The following GDNF variants were observed in gnomAD, a reference collection of about 807,000 sequenced individuals.
GDNF encodes glial cell derived neurotrophic factor.
Under a neutral mutation model 13.7 loss-of-function variants are expected in GDNF, and 5 were observed. The ratio of observed to expected loss-of-function variants is 0.36; its 90% CI spans 0.19 to 0.77. The LOEUF is 0.77. GDNF is among the 30% of genes least tolerant of loss of function. The pLI is 0.51. For missense variants in GDNF, 246 were observed against 274.3 expected (o/e 0.90, Z 0.73); for synonymous variants, 122 against 112.5 (o/e 1.08, Z -0.53).
intron 2 of GDNF, among the ~76,000 whole-genome samples, chr5:37,827,208 TAA>T (rs768949479): frequency 2.1e-5 from 3 of 142,248 alleles, no homozygotes; most frequent in Admixed American, 7.0e-5. Context: ...TCCTGGGTTT[TAA>T]AAAAAAAAAA....
At chr5:37,835,780 G>C (rs1581592930) in intron 1 of GDNF, 1 of 836,114 alleles carries the variant, frequency 1.2e-6, no homozygotes. Flanking sequence ...CTGGCTCCCC[G>C]CGCCCCCGTC....
At chr5:37,822,158 G>A (rs1750161312) in intron 2 of GDNF, among the ~76,000 whole-genome samples, 1 of 152,168 alleles carries the variant, frequency 6.6e-6, no homozygotes, top group Non-Finnish European at 1.5e-5. Flanking sequence ...AAGGTGGAAG[G>A]AAGGTCTTTG....
At chr5:37,828,097 A>C (rs1750391774) in intron 2 of GDNF, among the ~76,000 whole-genome samples, 1 of 151,986 alleles carries the variant, frequency 6.6e-6, no homozygotes, top group Admixed American at 6.6e-5. Context: ...GCTTACGCAT[A>C]CTCCTATTCC....
rs1195589493 is a variant in GDNF, at chr5:37,838,179, C to T, written c.-27+1328G>A. ...ATTTGGGACACTTCTCGCAGGCAAA[C>T]TGGGAAAGCGGTCTGTTTAAAGGGC... On this transcript the variant is annotated intron_variant, in intron 1 of 2. Coordinates refer to ENST00000326524, the MANE Select transcript of GDNF (RefSeq NM_000514.4). This position sits in a 1 kb window ranked among gnomAD's most constrained non-coding sequence, Gnocchi z 4.1. 1.3e-5 allele frequency among the ~76,000 whole-genome samples: 2 copies of T among 152,168 alleles called. No homozygotes were observed. Among genetic ancestry groups the T allele is most frequent in the Non-Finnish European group, 2.9e-5 (2 of 68,042 alleles).
chr5:37,835,606 T>C (rs780875359), intron 1 of GDNF: 140 of 1,538,414 alleles, frequency 9.1e-5, no homozygotes, highest in Non-Finnish European at 1.1e-4. Context: ...TAGCGGAACA[T>C]GTAGTAAGAG....
intron 2 of GDNF, among the ~76,000 whole-genome samples, chr5:37,820,287 T>C (rs1750087303): frequency 6.6e-6 from 1 of 152,254 alleles, no homozygotes; most frequent in Non-Finnish European, 1.5e-5. Context: ...GACTCATTAA[T>C]CTATATGATA....
At chr5:37,827,036 G>A (rs1198276284) in intron 2 of GDNF, among the ~76,000 whole-genome samples, 1 of 152,120 alleles carries the variant, frequency 6.6e-6, no homozygotes, top group Non-Finnish European at 1.5e-5. Context: ...TAATCATGTG[G>A]AAATAATCAG....
Position 37,815,517 on chromosome 5 carries a change from C to CTCCTCTTCT in GDNF, c.*125_*133dup. 1.3e-6 allele frequency: 1 copy of CTCCTCTTCT among 798,100 alleles called. No homozygotes were observed. Among genetic ancestry groups the CTCCTCTTCT allele is most frequent in the Non-Finnish European group, 2.1e-6 (1 of 468,768 alleles). 49.4% of individuals were successfully genotyped at this position (798,100 alleles called of 1,614,324 possible). ...CCTCCTCCTCCTCCTCCTCCTCCTC[C>CTCCTCTTCT]TCCTCTTCTTCTTCCTCCTCCTCCG... On this transcript the variant is annotated 3_prime_UTR_variant, in exon 3 of 3. Transcript: ENST00000326524. The surrounding 1 kb of genome is among the most constrained non-coding windows in gnomAD (Gnocchi z 5.0).
At chr5:37,835,573 A>G in intron 1 of GDNF, 2 of 1,488,676 alleles carry the variant, frequency 1.3e-6, no homozygotes, top group Non-Finnish European at 1.8e-6. Flanking sequence ...AGTTATGAAC[A>G]TTAAATCACG....
intron 2 of GDNF, among the ~76,000 whole-genome samples, chr5:37,817,303 A>G (rs1233629466): frequency 1.3e-5 from 2 of 152,242 alleles, no homozygotes; most frequent in East Asian, 1.9e-4. Context: ...AACGGGGGGA[A>G]AAACAATCCA....
intron 2 of GDNF, among the ~76,000 whole-genome samples, chr5:37,822,698 T>C (rs1362655347): frequency 6.6e-6 from 1 of 152,180 alleles, no homozygotes. Flanking sequence ...AGGCCAAGTA[T>C]CTGAAAAATA....
rs895436026 is a variant in GDNF, at chr5:37,837,496, G to A, written c.-27+2011C>T. 6.6e-6 allele frequency among the ~76,000 whole-genome samples: 1 copy of A among 152,188 alleles called. No individual in the cohort carries two copies. The highest frequency in any genetic ancestry group is 2.4e-5 in the African/African-American group (1 of 41,468). On this transcript the variant is annotated intron_variant, in intron 1 of 2. Coordinates refer to ENST00000326524, the MANE Select transcript of GDNF (RefSeq NM_000514.4). The surrounding 1 kb of genome is among the most constrained non-coding windows in gnomAD (Gnocchi z 6.5). Reference sequence around the variant, plus strand: ...AGGCCTGGGGAGGCAAGGACGCCCAGGAAAGCCACAGAAGTGCTCGCAGAA... The same window carrying A: ...AGGCCTGGGGAGGCAAGGACGCCCAAGAAAGCCACAGAAGTGCTCGCAGAA...
At chr5:37,834,520 C>T in intron 2 of GDNF, 126 bp downstream of exon 2, 2 of 889,434 alleles carry the variant, frequency 2.2e-6, no homozygotes, top group Non-Finnish European at 3.2e-6. Flanking sequence ...CACCCGCACC[C>T]CTTGCCCACG....
At chr5:37,832,516 T>C (rs941459278) in intron 2 of GDNF, among the ~76,000 whole-genome samples, 2 of 152,298 alleles carry the variant, frequency 1.3e-5, no homozygotes, top group South Asian at 2.1e-4. Flanking sequence ...CTGGGATCTA[T>C]TGGGTCTTCC....
chr5:37,836,411 C>T (rs1165816849), intron 1 of GDNF, among the ~76,000 whole-genome samples: 3 of 152,116 alleles, frequency 2.0e-5, no homozygotes, highest in African/African-American at 4.8e-5. Context: ...GAGACTAATG[C>T]ATTTTACATC....
At chr5:37,819,526 C>T (rs1750052440) in intron 2 of GDNF, among the ~76,000 whole-genome samples, 2 of 149,234 alleles carry the variant, frequency 1.3e-5, no homozygotes, top group Admixed American at 6.8e-5. Flanking sequence ...GGTCTCGGCT[C>T]ACTGCAACCT....
In GDNF at chr5:37,834,811, C is replaced by T. The variant is rs1443622096; in HGVS notation, c.-15G>A. ...CATAACTTCATCTTAAAGTCCCGTC[C>T]GGCGGCGGCACCTGCGCGGGCAGGC... On this transcript the variant is annotated 5_prime_UTR_variant, in exon 2 of 3. Coordinates refer to ENST00000326524, the MANE Select transcript of GDNF (RefSeq NM_000514.4). 2 of 1,612,536 alleles carry T rather than the reference C, an allele frequency of 1.2e-6. No individual in the cohort carries two copies. Among genetic ancestry groups the T allele is most frequent in the Admixed American group, 3.3e-5 (2 of 59,982 alleles).
chr5:37,821,637 G>A (rs1470998842), intron 2 of GDNF, among the ~76,000 whole-genome samples: 1 of 152,180 alleles, frequency 6.6e-6, no homozygotes, highest in Non-Finnish European at 1.5e-5. Flanking sequence ...TGTGTTCTTT[G>A]TATAAATAGT....
chr5:37,835,874 AG>A lies in GDNF; in HGVS notation c.-26-1053del, dbSNP rs1750686470. 7 of 593,292 alleles carry A rather than the reference AG, an allele frequency of 1.2e-5. No individual in the cohort carries two copies. The South Asian group carries it at 1.4e-4, about 12-fold the overall frequency. 36.8% of individuals were successfully genotyped at this position (593,292 alleles called of 1,614,324 possible). A position where few individuals can be genotyped will look rare whatever the true frequency, so the allele number is the denominator to read the frequency against. ...CCTAGACCGTGGTACGGCGCAGAGT[AG>A]GGGGTTCAGCTCTTTTCAGCCCGAG... On this transcript the variant is annotated intron_variant, in intron 1 of 2. Transcript: ENST00000326524.
Sources: allele counts gnomAD v4.1 joint callset (sites outside exome capture counted in the v4.1 genomes callset), GRCh38; gene constraint gnomAD v4.1.1; non-coding constraint Gnocchi (gnomAD v3.1); transcripts MANE v1.5; gene names NCBI Gene and HGNC (gene_info 2026-07-23, HGNC 2026-07-21).